Variants in YARS1 observed in about 807,000 individuals in gnomAD.
YARS1 encodes the protein tyrosyl-tRNA synthetase 1.
A neutral mutation model predicts 62.2 loss-of-function variants in YARS1; 36 were observed. That is an observed-to-expected ratio of 0.58 (90% CI 0.44 to 0.76). YARS1 has a LOEUF of 0.76. Ranked by LOEUF, YARS1 falls within the 30% of genes least tolerant of loss-of-function variation. The pLI is 0.00. For synonymous variants in YARS1, 234 were observed against 244.9 expected, an observed-to-expected ratio of 0.96 and a Z score of 0.42; for missense variants, 524 against 639.8, an observed-to-expected ratio of 0.82 and a Z score of 1.95.
chr1:32,788,282 G>A (rs1345685894), intron 6 of YARS1, among the ~76,000 whole-genome samples: 1 of 151,852 alleles, frequency 6.6e-6, no homozygotes, highest in Non-Finnish European at 1.5e-5. Flanking sequence ...AGATGGTCTC[G>A]CTCTGTTGCT....
At chr1:32,777,792 A>G (rs1045313272) in intron 12 of YARS1, among the ~76,000 whole-genome samples, 8 of 152,148 alleles carry the variant, frequency 5.3e-5, no homozygotes, top group Non-Finnish European at 1.0e-4. Context: ...CAAGAGTGAG[A>G]CCCTGTTTCT....
At chr1:32,801,844 A>G (rs1008368919) in intron 4 of YARS1, among the ~76,000 whole-genome samples, 3 of 152,306 alleles carry the variant, frequency 2.0e-5, no homozygotes, top group African/African-American at 7.2e-5. Flanking sequence ...GCTCATCCAT[A>G]AGAAGCAATT....
At position 32,787,027 on chromosome 1, in the gene YARS1, G is replaced by A; in HGVS notation, c.733C>T (p.Leu245=). The A allele has an allele frequency of 6.2e-7, 1 of 1,614,190 alleles. No homozygotes were observed. Among genetic ancestry groups the A allele is most frequent in the South Asian group, 1.1e-5 (1 of 91,078 alleles). ...LDRKEDVKKK[L]KKAFCEPGNV... ...CCTGGCTCACAGAAGGCCTTCTTCAGTTTTTTCTTCACATCCTCCTTCCGA... is the reference window on the plus strand; with the variant it reads ...CCTGGCTCACAGAAGGCCTTCTTCAATTTTTTCTTCACATCCTCCTTCCGA... The change falls in exon 7 of 13, where the codon CTG becomes TTG. Residue 245 remains leucine (L), a synonymous_variant. Transcript: ENST00000373477.
At position 32,791,260 on chromosome 1, in the gene YARS1, A is replaced by T. The variant is rs200233400; in HGVS notation, c.592-6T>A. The stretch of plus-strand genomic sequence containing the variant: ...TAGCCAAGTGCAGGGAGGTACTGAG[A>T]GATTAGAGAAACACACAAAAGCCGA... On this transcript the variant is annotated splice_region_variant and splice_polypyrimidine_tract_variant and intron_variant, in intron 5 of 12. Coordinates refer to ENST00000373477, the MANE Select transcript of YARS1 (RefSeq NM_003680.4). 8.1e-6 allele frequency: 13 copies of T among 1,612,150 alleles called. No homozygotes were observed. The Admixed American group carries it at 1.5e-4, about 19-fold the overall frequency.
intron 3 of YARS1, 21 bp downstream of exon 3, chr1:32,810,570 G>A (rs373970823): frequency 6.1e-5 from 98 of 1,612,170 alleles, no homozygotes; most frequent in Non-Finnish European, 7.7e-5. Context: ...CCACAAGGAG[G>A]GTGGATGATC....
At chr1:32,788,447 T>A (rs999585048) in intron 6 of YARS1, among the ~76,000 whole-genome samples, 3 of 152,006 alleles carry the variant, frequency 2.0e-5, no homozygotes, top group East Asian at 1.9e-4. Flanking sequence ...TTATTTATTT[T>A]TTGAGACAGT....
chr1:32,794,051 C>T (rs144136496), intron 5 of YARS1, among the ~76,000 whole-genome samples: 1 of 152,200 alleles, frequency 6.6e-6, no homozygotes, highest in East Asian at 1.9e-4. Context: ...TGAAAAGTGA[C>T]TTAAAAAACA....
chr1:32,798,039 T>A, intron 4 of YARS1, 196 bp from the exon 5 acceptor site: 1 of 541,120 alleles, frequency 1.8e-6, no homozygotes, highest in Non-Finnish European at 3.3e-6. Flanking sequence ...CCCGGCTAAT[T>A]TTTTGTATTT....
chr1:32,791,568 G>A (rs1466554016), intron 5 of YARS1, among the ~76,000 whole-genome samples: 14 of 152,306 alleles, frequency 9.2e-5, no homozygotes, highest in South Asian at 2.1e-4. Flanking sequence ...TTGGGAGGCT[G>A]AGGTGGGTGG....
chr1:32,812,780 G>A (rs1265711706), intron 1 of YARS1, among the ~76,000 whole-genome samples: 1 of 152,174 alleles, frequency 6.6e-6, no homozygotes, highest in East Asian at 1.9e-4. Flanking sequence ...GACCAGCCTG[G>A]CCAACATGGT....
At position 32,803,609 on chromosome 1, in the gene YARS1, G is replaced by A. The variant is rs543061251; in HGVS notation, c.510+2873C>T. On this transcript the variant is annotated intron_variant, in intron 4 of 12. Transcript: ENST00000373477. ...AAAGTCCGAGATGGCATCTTCTTCC[G>A]AAAAAAGGCTATTTCATCTACCTTG... Among the ~76,000 whole-genome samples, 133 of 152,026 alleles carry A rather than the reference G, an allele frequency of 8.7e-4. No homozygotes were observed. In the Middle Eastern group the frequency reaches 0.021, roughly 23 times the overall value.
At chr1:32,780,877 C>T (rs1313565826) in intron 10 of YARS1, among the ~76,000 whole-genome samples, 171 bp downstream of exon 10, 1 of 152,232 alleles carries the variant, frequency 6.6e-6, no homozygotes, top group Non-Finnish European at 1.5e-5. Flanking sequence ...ATAATATCCA[C>T]AGGCAACAAT....
chr1:32,779,908 G>A (rs1652995603), intron 11 of YARS1, 177 bp downstream of exon 11: 1 of 719,782 alleles, frequency 1.4e-6, no homozygotes, highest in Non-Finnish European at 2.3e-6. Context: ...TAGGTAAAAT[G>A]CTTCATTAAC....
intron 1 of YARS1, 180 bp downstream of exon 1, chr1:32,817,008 A>G (rs572241189): frequency 1.9e-5 from 14 of 753,254 alleles, no homozygotes; most frequent in Non-Finnish European, 2.5e-5. Context: ...TTTCTGGGGA[A>G]CCCAGGGAAG....
intron 1 of YARS1, among the ~76,000 whole-genome samples, chr1:32,815,207 G>A (rs781018082): frequency 2.2e-4 from 33 of 152,046 alleles, no homozygotes; most frequent in African/African-American, 5.3e-4. Flanking sequence ...AAATTAGCCC[G>A]GCGTGGTGGT....
chr1:32,780,122 C>T lies in YARS1; in HGVS notation c.1297G>A (p.Gly433Arg). Residue 433 changes from glycine to arginine, a missense_variant, in exon 11 of 13, where the codon GGA (glycine) becomes AGA (arginine). Transcript: ENST00000373477. Reference protein sequence around the residue: ...LCNLKPQKMRGVESQGMLLCA... With the variant: ...LCNLKPQKMRRVESQGMLLCA... Reference sequence around the variant, plus strand: ...AGAAGCATGCCTTGGGACTCGACTCCTCTCATCTTCTGGGGTTTCAGGTTG... The same window carrying T: ...AGAAGCATGCCTTGGGACTCGACTCTTCTCATCTTCTGGGGTTTCAGGTTG... 1.9e-6 allele frequency: 3 copies of T among 1,614,128 alleles called. No homozygotes were observed. The highest frequency in any genetic ancestry group is 2.5e-6 in the Non-Finnish European group (3 of 1,180,028).
chr1:32,781,212 A>C (rs1202320299), intron 9 of YARS1, 67 bp from the exon 10 acceptor site: 1 of 1,210,280 alleles, frequency 8.3e-7, no homozygotes. Context: ...TGATCCCACC[A>C]CGTTAAGACA....
At chr1:32,807,753 GT>G (rs1159716921) in intron 3 of YARS1, among the ~76,000 whole-genome samples, 2 of 152,118 alleles carry the variant, frequency 1.3e-5, no homozygotes, top group South Asian at 2.1e-4. Flanking sequence ...TAGCGGGCTT[GT>G]TTTTCTTTTT....
Position 32,791,146 on chromosome 1 carries a change from T to A in YARS1, c.684+16A>T. 6.2e-7 allele frequency: 1 copy of A among 1,610,132 alleles called. No homozygotes were observed. Among genetic ancestry groups the A allele is most frequent in the South Asian group, 1.1e-5 (1 of 90,986 alleles). ...GGCTGAAGATTTCTAAATTCAAGTCTCAGCTGGCAACTTACCTCTTCTGAA... is the reference window on the plus strand; with the variant it reads ...GGCTGAAGATTTCTAAATTCAAGTCACAGCTGGCAACTTACCTCTTCTGAA... On this transcript the variant is annotated intron_variant, in intron 6 of 12. Transcript: ENST00000373477.
Sources: gnomAD v4.1 joint callset for allele counts (sites outside exome capture counted in the v4.1 genomes callset) on GRCh38, gnomAD v4.1.1 for gene constraint, MANE v1.5 for transcripts, NCBI Gene and HGNC (gene_info 2026-07-23, HGNC 2026-07-21) for gene names.